The following PLAAT1 variants were observed in gnomAD, a reference collection of about 807,000 sequenced individuals.
PLAAT1 encodes phospholipase A and acyltransferase 1, also known as H-REV107 protein-related protein.
A neutral mutation model predicts 16.4 loss-of-function variants in PLAAT1; 13 were observed. That is an observed-to-expected ratio of 0.79 (90% CI 0.52 to 1.26). PLAAT1 has a LOEUF of 1.26. PLAAT1 is among the 50% of genes most tolerant of loss of function. The probability of loss-of-function intolerance (pLI) is 0.00; values close to 1 mark genes in which losing one functional copy is unlikely to be tolerated. For synonymous variants in PLAAT1, 73 were observed against 78.4 expected, an observed-to-expected ratio of 0.93 and a Z score of 0.36; for missense variants, 218 against 207.8, an observed-to-expected ratio of 1.05 and a Z score of -0.30.
chr3:193,273,031 T>C (rs750772620), downstream of PLAAT1, among the ~76,000 whole-genome samples: 2 of 152,166 alleles, frequency 1.3e-5, no homozygotes, highest in Non-Finnish European at 2.9e-5. Context: ...AGAATAAAAA[T>C]TATGAAATAA....
intron 1 of PLAAT1, among the ~76,000 whole-genome samples, chr3:193,251,286 A>G (rs1335995521): frequency 1.3e-5 from 2 of 152,190 alleles, no homozygotes; most frequent in Non-Finnish European, 2.9e-5. Flanking sequence ...TGGAATTGTC[A>G]CTAGAACAAA....
chr3:193,275,209 G>T, downstream of PLAAT1: 1 of 1,614,154 alleles, frequency 6.2e-7, no homozygotes, highest in South Asian at 1.1e-5. Context: ...TCTTCTGCTA[G>T]CTTCTTTTGC....
At chr3:193,250,333 G>GT (rs1263480776) in intron 1 of PLAAT1, among the ~76,000 whole-genome samples, 2 of 152,150 alleles carry the variant, frequency 1.3e-5, no homozygotes, top group Admixed American at 1.3e-4. Flanking sequence ...GTGTGTTCCA[G>GT]TTTCTTTTTT....
downstream of PLAAT1, among the ~76,000 whole-genome samples, chr3:193,271,244 G>T (rs1485123771): frequency 6.9e-6 from 1 of 144,250 alleles, no homozygotes; most frequent in Non-Finnish European, 1.5e-5. Flanking sequence ...AGGGTGGATG[G>T]GAAGAGGAGA....
At chr3:193,274,686 T>C (rs1717104333), downstream of PLAAT1, 1 of 216,356 alleles carries the variant, frequency 4.6e-6, no homozygotes, top group African/African-American at 2.3e-5. Flanking sequence ...ATAGTAAAAC[T>C]TTCAAAGACC....
At chr3:193,247,551 G>C (rs187365648) in intron 1 of PLAAT1, among the ~76,000 whole-genome samples, 2 of 152,068 alleles carry the variant, frequency 1.3e-5, no homozygotes, top group African/African-American at 2.4e-5. Flanking sequence ...AAGTGTCTGC[G>C]TGCCTAATTA....
chr3:193,257,010 T>G (rs1315471545), intron 2 of PLAAT1, among the ~76,000 whole-genome samples: 1 of 152,094 alleles, frequency 6.6e-6, no homozygotes, highest in Non-Finnish European at 1.5e-5. Flanking sequence ...TATTTAGGGG[T>G]TTAACCACTA....
downstream of PLAAT1, chr3:193,274,763 A>G: frequency 2.1e-6 from 1 of 467,828 alleles, no homozygotes. Context: ...CAGTACCATG[A>G]CAGCTGCTCA....
At chr3:193,255,967 C>T (rs1716359345) in intron 2 of PLAAT1, among the ~76,000 whole-genome samples, 178 bp downstream of exon 2, 1 of 152,150 alleles carries the variant, frequency 6.6e-6, no homozygotes, top group Non-Finnish European at 1.5e-5. Flanking sequence ...TTGAAGAAAT[C>T]ACAAAGGCCA....
intron 1 of PLAAT1, among the ~76,000 whole-genome samples, chr3:193,255,244 ATGTT>A (rs1716330012): frequency 1.3e-5 from 2 of 152,248 alleles, no homozygotes; most frequent in East Asian, 1.9e-4. Flanking sequence ...CAGATATTAT[ATGTT>A]TACTTTCCTA....
intron 2 of PLAAT1, among the ~76,000 whole-genome samples, chr3:193,257,088 CTT>C (rs1716403844): frequency 6.6e-6 from 1 of 152,104 alleles, no homozygotes. Context: ...GACTATGTCT[CTT>C]TAAAAAACTA....
chr3:193,279,498 T>C, downstream of PLAAT1: 4 of 1,529,418 alleles, frequency 2.6e-6, no homozygotes, highest in Non-Finnish European at 3.6e-6. Flanking sequence ...AAAAGAATGT[T>C]TCATATAATT....
At chr3:193,244,887 A>G (rs1376654111) in intron 1 of PLAAT1, among the ~76,000 whole-genome samples, 2 of 152,184 alleles carry the variant, frequency 1.3e-5, no homozygotes, top group African/African-American at 4.8e-5. Context: ...TAATCCATTC[A>G]TGAGGACAGA....
intron 1 of PLAAT1, among the ~76,000 whole-genome samples, chr3:193,249,634 A>G (rs1033675528): frequency 1.3e-5 from 2 of 152,002 alleles, no homozygotes; most frequent in African/African-American, 2.4e-5. Flanking sequence ...AATAATTCAC[A>G]TATTCTGTTT....
intron 1 of PLAAT1, among the ~76,000 whole-genome samples, chr3:193,248,988 C>G (rs1412196467): frequency 1.3e-5 from 2 of 152,058 alleles, no homozygotes; most frequent in African/African-American, 2.4e-5. Context: ...TAAGGCAGGT[C>G]TAGTTGTGAT....
At chr3:193,264,963 T>A (rs933330257) in intron 3 of PLAAT1, among the ~76,000 whole-genome samples, 3 of 152,224 alleles carry the variant, frequency 2.0e-5, no homozygotes, top group African/African-American at 7.2e-5. Context: ...ACAATGAGAT[T>A]TCGCTTCACA....
chr3:193,262,592 G>A (rs112947800), intron 2 of PLAAT1, among the ~76,000 whole-genome samples: 1 of 152,048 alleles, frequency 6.6e-6, no homozygotes, highest in African/African-American at 2.4e-5. Context: ...GCAAAAAACT[G>A]CCTTATAGAA....
chr3:193,280,119 T>C (rs1211053604), downstream of PLAAT1, among the ~76,000 whole-genome samples: 1 of 151,846 alleles, frequency 6.6e-6, no homozygotes, highest in Non-Finnish European at 1.5e-5. Context: ...GGCACGATCT[T>C]GGCTCACTGC....
At chr3:193,249,852 A>C (rs1211625586) in intron 1 of PLAAT1, among the ~76,000 whole-genome samples, 1 of 151,410 alleles carries the variant, frequency 6.6e-6, no homozygotes, top group Non-Finnish European at 1.5e-5. Flanking sequence ...GGTACTTTTT[A>C]ATATTTTCTG....
Sources: allele counts gnomAD v4.1 joint callset (sites outside exome capture counted in the v4.1 genomes callset), GRCh38; gene constraint gnomAD v4.1.1; transcripts MANE v1.5; gene names NCBI Gene and HGNC (gene_info 2026-07-23, HGNC 2026-07-21).